The following ATXN2L variants were observed in gnomAD, a reference collection of about 807,000 sequenced individuals.
ATXN2L encodes the protein ataxin 2 like, also known as ataxin-2-like protein.
A neutral mutation model predicts 120.7 loss-of-function variants in ATXN2L; 24 were observed. That is an observed-to-expected ratio of 0.20 (90% CI 0.14 to 0.28). The LOEUF (loss-of-function observed/expected upper bound fraction) is 0.28, where lower values mean the gene tolerates loss of function less well. Ranked by LOEUF, ATXN2L falls within the 10% of genes least tolerant of loss-of-function variation. The pLI, the probability that ATXN2L is intolerant of heterozygous loss-of-function variation, is 1.00. For synonymous variants in ATXN2L, 653 were observed against 568.1 expected (o/e 1.15, Z -2.13); for missense variants, 1,312 against 1,432.3 (o/e 0.92, Z 1.36).
In ATXN2L at chr16:28,830,912, G is replaced by A. The variant is rs373694787; in HGVS notation, c.1211-50G>A. On this transcript the variant is annotated intron_variant, in intron 9 of 21. Transcript: ENST00000336783. ...TGCATCGGTGGGAATGTAATAGGTC[G>A]TCTGCCTCCTGACATTTTCTTCTCA... 47 of 1,454,960 alleles carry A rather than the reference G, an allele frequency of 3.2e-5. No individual in the cohort carries two copies. The Middle Eastern group carries it at 5.5e-4, about 17-fold the overall frequency. The allele number at this position is 1,454,960 out of a possible 1,614,324, so 90.1% of individuals were successfully genotyped here. A position where few individuals can be genotyped will look rare whatever the true frequency, so the allele number is the denominator to read the frequency against.
In ATXN2L at chr16:28,835,205, T is replaced by C; in HGVS notation, c.2563+18T>C. The C allele has an allele frequency of 6.2e-7, 1 of 1,608,648 alleles. No homozygotes were observed. On this transcript the variant is annotated intron_variant, in intron 19 of 21. Coordinates refer to ENST00000336783, the MANE Select transcript of ATXN2L (RefSeq NM_007245.4). ...CCTTTATGGTGAGTCCTGCGCCTGG[T>C]CCCTCTGCTCTGGGCTGTGTGCCAG... is the stretch of plus-strand genomic sequence containing the variant.
At position 28,830,750 on chromosome 16, in the gene ATXN2L, C is replaced by T. The variant is rs759859634; in HGVS notation, c.1170C>T (p.Ser390=). Residue 390 remains serine, a synonymous_variant, in exon 9 of 22, where the codon AGC becomes AGT. Transcript: ENST00000336783. ...PPRGPHHLDN[S]SPGPGSEARG... ...GTGGCCCTCACCATCTGGACAACAG[C>T]AGCCCTGGCCCAGGTTCTGAGGCCC... The T allele has an allele frequency of 6.2e-7, 1 of 1,611,242 alleles. No individual in the cohort carries two copies. The highest frequency in any genetic ancestry group is 8.5e-7 in the Non-Finnish European group (1 of 1,179,058).
chr16:28,831,829 G>A (rs900390550), intron 10 of ATXN2L, among the ~76,000 whole-genome samples: 1 of 152,216 alleles, frequency 6.6e-6, no homozygotes, highest in African/African-American at 2.4e-5. Flanking sequence ...AGGTTGCAGT[G>A]AGATGGCATC....
chr16:28,824,444 G>T, intron 1 of ATXN2L: 1 of 1,286,474 alleles, frequency 7.8e-7, no homozygotes, highest in Non-Finnish European at 1.0e-6. Context: ...CGGCTGCGCT[G>T]TCCCCCAGCC....
Position 28,836,681 on chromosome 16 carries a change from G to A in ATXN2L, c.*416G>A. The A allele has an allele frequency of 6.2e-7, 1 of 1,613,436 alleles. No homozygotes were observed. ...GACGGCATTGGAGGAAGGGACAGCT[G>A]CTTGGGTTCTAATGCTCCTGCTCTC... is the stretch of plus-strand genomic sequence containing the variant. On this transcript the variant is annotated 3_prime_UTR_variant, in exon 22 of 22. Coordinates refer to ENST00000336783, the MANE Select transcript of ATXN2L (RefSeq NM_007245.4).
rs751956607 is a variant in ATXN2L, at chr16:28,826,873, G to A, written c.628G>A (p.Asp210Asn). 5 of 1,586,596 alleles carry A rather than the reference G, an allele frequency of 3.2e-6. No individual in the cohort carries two copies. Among genetic ancestry groups the A allele is most frequent in the African/African-American group, 1.3e-5 (1 of 74,088 alleles). ...CTCTGCCCCCACAGACAAGTTCACC[G>A]ATTCAGCCATTGCCATGAACTCGAA... ...FNYATKDKFTDSAIAMNSKVN... is the reference protein window; with the variant it reads ...FNYATKDKFTNSAIAMNSKVN... Residue 210 changes from aspartate (D) to asparagine (N), a missense_variant, in exon 6 of 22, where the codon GAT (aspartate) becomes AAT (asparagine). Transcript: ENST00000336783.
At position 28,834,375 on chromosome 16, in the gene ATXN2L, T is replaced by TTCAG; in HGVS notation, c.2207_2210dup (p.Pro738SerfsTer294). 6.2e-7 allele frequency: 1 copy of TTCAG among 1,614,072 alleles called. No individual in the cohort carries two copies. Among genetic ancestry groups the TTCAG allele is most frequent in the Non-Finnish European group, 8.5e-7 (1 of 1,179,936 alleles). Reference sequence around the variant, plus strand: ...AGATGTATCCATATCCTGTATCCAATTCAGTGCCTGGGCAGCAGGGCAAGT... The same window carrying TTCAG: ...AGATGTATCCATATCCTGTATCCAATTCAGTCAGTGCCTGGGCAGCAGGGCAAGT... On this transcript the variant is annotated frameshift_variant, in exon 17 of 22. Coordinates refer to ENST00000336783, the MANE Select transcript of ATXN2L (RefSeq NM_007245.4). LOFTEE classifies it high-confidence loss of function.
chr16:28,829,774 A>T, intron 7 of ATXN2L, 84 bp from the exon 8 acceptor site: 1 of 1,425,750 alleles, frequency 7.0e-7, no homozygotes, highest in Non-Finnish European at 9.9e-7. Context: ...TGAACTGGTG[A>T]TTGGACTTGT....
intron 4 of ATXN2L, 47 bp from the exon 5 acceptor site, chr16:28,826,193 C>T (rs748066867): frequency 6.2e-7 from 1 of 1,601,462 alleles, no homozygotes; most frequent in African/African-American, 1.3e-5. Flanking sequence ...TTTGCCTTCA[C>T]TTTTCTTGAA....
At chr16:28,824,148 C>A (rs1463721534) in intron 1 of ATXN2L, 5 of 1,023,130 alleles carry the variant, frequency 4.9e-6, no homozygotes, top group Non-Finnish European at 5.9e-6. Context: ...GCCCCCTTCC[C>A]GTACGTGCGC....
Position 28,833,095 on chromosome 16 carries a change from C to T in ATXN2L, c.1696C>T (p.Pro566Ser), listed in dbSNP as rs1426155049. 6.2e-7 allele frequency: 1 copy of T among 1,614,116 alleles called. No individual in the cohort carries two copies. The highest frequency in any genetic ancestry group is 8.5e-7 in the Non-Finnish European group (1 of 1,180,046). ...TAGCTCCCCTGAGAACAGCCTGGAT[C>T]CTTTTCCTCCCCGGATCTTAAAGGA... is the stretch of plus-strand genomic sequence containing the variant. The part of the protein sequence containing the change: ...PSSSPENSLD[P>S]FPPRILKEEP... The change falls in exon 14 of 22, where the codon CCT becomes TCT. Residue 566 changes from proline to serine, a missense_variant. Coordinates refer to ENST00000336783, the MANE Select transcript of ATXN2L (RefSeq NM_007245.4).
At chr16:28,832,429 T>G in intron 11 of ATXN2L, 30 bp downstream of exon 11, 1 of 1,612,464 alleles carries the variant, frequency 6.2e-7, no homozygotes, top group South Asian at 1.1e-5. Context: ...GTGCTGTGAA[T>G]GCATATTTAG....
chr16:28,835,540 C>A lies in ATXN2L; in HGVS notation c.2686-9C>A. On this transcript the variant is annotated splice_polypyrimidine_tract_variant and intron_variant, in intron 20 of 21. Transcript: ENST00000336783. ...CCTGTGTGGCACTCAACCTTCCCCT[C>A]CCCAGCAGCATCAGGCGGGGCAGGC... 1 of 1,613,142 alleles carries A rather than the reference C, an allele frequency of 6.2e-7. No individual in the cohort carries two copies. Among genetic ancestry groups the A allele is most frequent in the Non-Finnish European group, 8.5e-7 (1 of 1,179,824 alleles).
In ATXN2L at chr16:28,837,075, C is replaced by G. The variant is rs926690535; in HGVS notation, c.*810C>G. 1 of 575,078 alleles carries G rather than the reference C, an allele frequency of 1.7e-6. No individual in the cohort carries two copies. Among genetic ancestry groups the G allele is most frequent in the Non-Finnish European group, 3.3e-6 (1 of 306,276 alleles). The allele number at this position is 575,078 out of a possible 1,614,324, so 35.6% of individuals were successfully genotyped here. A position where few individuals can be genotyped will look rare whatever the true frequency, so the allele number is the denominator to read the frequency against. ...ATCTTTTATTTTCTATTATTTATAACTTCAGACTTGGGCCCCCTGTTCTTT... is the reference window on the plus strand; with the variant it reads ...ATCTTTTATTTTCTATTATTTATAAGTTCAGACTTGGGCCCCCTGTTCTTT... On this transcript the variant is annotated 3_prime_UTR_variant, in exon 22 of 22. Transcript: ENST00000336783.
chr16:28,836,910 A>G lies in ATXN2L; in HGVS notation c.*645A>G. ...CCAGGGGAGCTGGGGAATTCCTGCC[A>G]AGCACCTTGAATGGGAGGGGCCTCA... On this transcript the variant is annotated 3_prime_UTR_variant, in exon 22 of 22. Coordinates refer to ENST00000336783, the MANE Select transcript of ATXN2L (RefSeq NM_007245.4). 1 of 972,244 alleles carries G rather than the reference A, an allele frequency of 1.0e-6. No individual in the cohort carries two copies. Among genetic ancestry groups the G allele is most frequent in the Non-Finnish European group, 1.5e-6 (1 of 645,950 alleles). 60.2% of individuals were successfully genotyped at this position (972,244 alleles called of 1,614,324 possible). A position where few individuals can be genotyped will look rare whatever the true frequency, so the allele number is the denominator to read the frequency against.
Position 28,835,077 on chromosome 16 carries a change from T to C in ATXN2L, c.2453T>C (p.Leu818Pro). 1.2e-6 allele frequency: 2 copies of C among 1,613,324 alleles called. No homozygotes were observed. The highest frequency in any genetic ancestry group is 2.2e-5 in the South Asian group (2 of 90,982). Residue 818 changes from leucine (L) to proline (P), a missense_variant, in exon 19 of 22, where the codon CTT (leucine) becomes CCT (proline). Leu to Pro is a moderately conservative substitution (Grantham distance 98). Coordinates refer to ENST00000336783, the MANE Select transcript of ATXN2L (RefSeq NM_007245.4). ...CGCCAGCCGGTGTTTGCCCCCATGC[T>C]TCAGAGCAACCCACGCATGCTGACG... is the stretch of plus-strand genomic sequence containing the variant. ...YPSQPVFAPMLQSNPRMLTSG... is the reference protein window; with the variant it reads ...YPSQPVFAPMPQSNPRMLTSG...
At position 28,834,686 on chromosome 16, in the gene ATXN2L, C is replaced by G. The variant is rs1959314217; in HGVS notation, c.2426C>G (p.Pro809Arg). The change falls in exon 18 of 22, where the codon CCC becomes CGC. Residue 809 changes from proline (P) to arginine (R), a missense_variant. Physicochemically the swap from Pro to Arg is moderately radical, Grantham distance 103. Coordinates refer to ENST00000336783, the MANE Select transcript of ATXN2L (RefSeq NM_007245.4). ...ATGATGCAGCCCATGGCCCACTACC[C>G]CTCACAGGTGACTGCGGCCCAGGAG... ...PAMMQPMAHYPSQPVFAPMLQ... is the reference protein window; with the variant it reads ...PAMMQPMAHYRSQPVFAPMLQ... 6.2e-7 allele frequency: 1 copy of G among 1,610,164 alleles called. No homozygotes were observed.
intron 6 of ATXN2L, among the ~76,000 whole-genome samples, chr16:28,827,218 G>A (rs1190531591): frequency 6.6e-6 from 1 of 152,014 alleles, no homozygotes; most frequent in Non-Finnish European, 1.5e-5. Context: ...TGGGTCACTT[G>A]AGGCAAGGAT....
Position 28,832,371 on chromosome 16 carries a change from T to C in ATXN2L, c.1488T>C (p.Ser496=). The change falls in exon 11 of 22, where the codon TCT becomes TCC. Residue 496 remains serine, a synonymous_variant. Coordinates refer to ENST00000336783, the MANE Select transcript of ATXN2L (RefSeq NM_007245.4). ...GAGTGGGCTCCATTTCTCCAGCTTC[T>C]CCAAAGATCTCCCTGGCCCCCACAG... is the stretch of plus-strand genomic sequence containing the variant. The part of the protein sequence containing the change: ...DPGVGSISPA[S]PKISLAPTDV... The C allele has an allele frequency of 6.2e-7, 1 of 1,614,196 alleles. No individual in the cohort carries two copies. The highest frequency in any genetic ancestry group is 2.2e-5 in the East Asian group (1 of 44,894).
Sources: allele counts gnomAD v4.1 joint callset (sites outside exome capture counted in the v4.1 genomes callset), GRCh38; gene constraint gnomAD v4.1.1; transcripts MANE v1.5; gene names NCBI Gene and HGNC (gene_info 2026-07-23, HGNC 2026-07-21).